The following PCDHA1 variants were observed in gnomAD, a reference collection of about 807,000 sequenced individuals.
The protein encoded by PCDHA1 is protocadherin alpha-1.
A neutral mutation model predicts 61.3 loss-of-function variants in PCDHA1; 42 were observed. That is an observed-to-expected ratio of 0.69 (90% CI 0.54 to 0.89). The LOEUF (loss-of-function observed/expected upper bound fraction) is 0.89, where lower values mean the gene tolerates loss of function less well. Among genes scored for constraint, PCDHA1 ranks in the 40% least tolerant of loss-of-function variants. The pLI is 0.00. For synonymous variants in PCDHA1, 610 were observed against 553.8 expected (o/e 1.10, Z -1.43); for missense variants, 1,256 against 1,235.3 (o/e 1.02, Z -0.25).
rs781892888 is a variant in PCDHA1, at chr5:140,967,565, C to T, written c.2395-11384C>T. Reference sequence around the variant, plus strand: ...CCAGTCCACTTATCGCGTCCAGCTACGGGAGGACTCACCCCCAGGCACATT... The same window carrying T: ...CCAGTCCACTTATCGCGTCCAGCTATGGGAGGACTCACCCCCAGGCACATT... On this transcript the variant is annotated intron_variant, in intron 1 of 3. Transcript: ENST00000504120. The T allele has an allele frequency of 3.1e-6, 5 of 1,614,080 alleles. No individual in the cohort carries two copies. The highest frequency in any genetic ancestry group is 2.7e-5 in the African/African-American group (2 of 75,044).
intron 1 of PCDHA1, among the ~76,000 whole-genome samples, chr5:140,904,728 T>G (rs1357605257): frequency 6.6e-6 from 1 of 152,198 alleles, no homozygotes; most frequent in Non-Finnish European, 1.5e-5. Flanking sequence ...CCAACATCTA[T>G]TATTTTTTTA....
At chr5:140,877,614 G>A (rs2153354451) in intron 1 of PCDHA1, 3 of 1,613,850 alleles carry the variant, frequency 1.9e-6, no homozygotes, top group Middle Eastern at 3.3e-4. Context: ...TGGTGCTCAC[G>A]CTGCTGCTGT....
intron 1 of PCDHA1, chr5:140,877,827 T>C (rs1554170143): frequency 1.2e-6 from 2 of 1,601,676 alleles, no homozygotes; most frequent in Middle Eastern, 1.7e-4. Flanking sequence ...ATTGTTTAAA[T>C]CCTCCCAGTG....
Position 140,870,925 on chromosome 5 carries a change from T to C in PCDHA1, c.2394+82241T>C, listed in dbSNP as rs1554164841. 8 of 1,613,916 alleles carry C rather than the reference T, an allele frequency of 5.0e-6. No homozygotes were observed. In the Admixed American group the frequency reaches 8.3e-5, roughly 17 times the overall value. On this transcript the variant is annotated intron_variant, in intron 1 of 3. Transcript: ENST00000504120. Reference sequence around the variant, plus strand: ...CTCAGGCTACAACGCGTGGCTTTCATATGAATTGCAGCCGGCGGCGGGCGG... The same window carrying C: ...CTCAGGCTACAACGCGTGGCTTTCACATGAATTGCAGCCGGCGGCGGGCGG...
At chr5:140,926,650 T>G (rs1014447499) in intron 1 of PCDHA1, 13 of 487,778 alleles carry the variant, frequency 2.7e-5, no homozygotes, top group Middle Eastern at 5.5e-4. Flanking sequence ...CCCGGCCGGC[T>G]CCGCTTTCCC....
chr5:140,925,395 G>A (rs1451043717), intron 1 of PCDHA1, among the ~76,000 whole-genome samples: 1 of 151,998 alleles, frequency 6.6e-6, no homozygotes, highest in African/African-American at 2.4e-5. Context: ...CTTTTGGCTC[G>A]CCTCCTTCTT....
At chr5:140,941,255 C>CTTTCTCTT (rs782490896) in intron 1 of PCDHA1, among the ~76,000 whole-genome samples, 24 of 44,510 alleles carry the variant, frequency 5.4e-4, no homozygotes, top group African/African-American at 1.5e-3. Flanking sequence ...TTCTTTCTTT[C>CTTTCTCTT]TCTTTCTTTC....
At chr5:140,928,592 T>A in intron 1 of PCDHA1, 1 of 1,614,178 alleles carries the variant, frequency 6.2e-7, no homozygotes, top group Non-Finnish European at 8.5e-7. Flanking sequence ...TCTGTCCCAG[T>A]GGAAATTGTG....
chr5:140,999,480 A>G, intron 3 of PCDHA1, among the ~76,000 whole-genome samples: 1 of 152,176 alleles, frequency 6.6e-6, no homozygotes, highest in East Asian at 1.9e-4. Flanking sequence ...ATTCCAACTC[A>G]AGTCTATGTT....
chr5:140,905,086 G>A (rs1454643340), intron 1 of PCDHA1, among the ~76,000 whole-genome samples: 1 of 152,056 alleles, frequency 6.6e-6, no homozygotes, highest in Non-Finnish European at 1.5e-5. Flanking sequence ...CTTTCTTTTG[G>A]GTTCTCAGTC....
intron 1 of PCDHA1, among the ~76,000 whole-genome samples, chr5:140,934,604 G>C (rs1389000917): frequency 6.6e-6 from 1 of 151,762 alleles, no homozygotes; most frequent in Non-Finnish European, 1.5e-5. Context: ...TCAACTATTT[G>C]ATTAGCCTGA....
At chr5:140,828,983 A>C (rs2150161618) in intron 1 of PCDHA1, 1 of 1,614,204 alleles carries the variant, frequency 6.2e-7, no homozygotes, top group South Asian at 1.1e-5. Context: ...CATAGATCGA[A>C]ATACGGGAGA....
intron 1 of PCDHA1, chr5:140,843,126 G>T (rs1554139770): frequency 3.8e-6 from 6 of 1,595,828 alleles, no homozygotes; most frequent in Non-Finnish European, 5.1e-6. Flanking sequence ...GCCGACTCGG[G>T]CTACAACGCG....
chr5:140,908,816 G>T (rs1606122), intron 1 of PCDHA1, among the ~76,000 whole-genome samples: 42,837 of 152,040 alleles, frequency 0.28, 6,902 homozygotes, highest in East Asian at 0.53. Flanking sequence ...AGAGCCTTTT[G>T]GGTTACTCGA....
chr5:140,842,755 T>G, intron 1 of PCDHA1: 2 of 1,594,888 alleles, frequency 1.3e-6, no homozygotes, highest in South Asian at 2.2e-5. Flanking sequence ...TCACGGTGTC[T>G]GCGCGAGACG....
intron 1 of PCDHA1, chr5:140,828,503 C>T (rs2150156101): frequency 3.7e-6 from 6 of 1,614,238 alleles, no homozygotes; most frequent in Non-Finnish European, 5.1e-6. Context: ...GGTAGAGGAA[C>T]AAAGAGTGCT....
At chr5:140,801,227 A>T (rs781843722) in intron 1 of PCDHA1, 8 of 1,610,900 alleles carry the variant, frequency 5.0e-6, no homozygotes, top group Non-Finnish European at 6.8e-6. Context: ...AAGATCCTGG[A>T]GCCCAGTGCC....
At chr5:140,833,481 C>T (rs968356288) in intron 1 of PCDHA1, among the ~76,000 whole-genome samples, 1 of 152,024 alleles carries the variant, frequency 6.6e-6, no homozygotes, top group South Asian at 2.1e-4. Flanking sequence ...AGAAATAATA[C>T]AAATCATATT....
At position 140,857,673 on chromosome 5, in the gene PCDHA1, C is replaced by G. The variant is rs372854727; in HGVS notation, c.2394+68989C>G. On this transcript the variant is annotated intron_variant, in intron 1 of 3. Transcript: ENST00000504120. The stretch of plus-strand genomic sequence containing the variant: ...GTGAGCGCGCGCGATGGGGGCGTGC[C>G]GCCTCTGGGCAGCAACTTGACGCTG... 6.3e-7 allele frequency: 1 copy of G among 1,596,942 alleles called. No homozygotes were observed. Among genetic ancestry groups the G allele is most frequent in the Non-Finnish European group, 8.6e-7 (1 of 1,167,760 alleles).
Sources: allele counts gnomAD v4.1 joint callset (sites outside exome capture counted in the v4.1 genomes callset), GRCh38; gene constraint gnomAD v4.1.1; transcripts MANE v1.5; gene names NCBI Gene and HGNC (gene_info 2026-07-23, HGNC 2026-07-21).